Variants in FARP1 observed in about 807,000 individuals in gnomAD.
FARP1 encodes the protein FERM, ARH/RhoGEF and pleckstrin domain protein 1.
Under a neutral mutation model 128.8 loss-of-function variants are expected in FARP1, and 52 were observed. The observed-to-expected ratio is 0.40, with a 90% confidence interval of 0.32 to 0.51. The LOEUF is 0.51. Among genes scored for constraint, FARP1 ranks in the 20% least tolerant of loss-of-function variants. The pLI, the probability that FARP1 is intolerant of heterozygous loss-of-function variation, is 0.45. For missense variants in FARP1, 1,333 were observed against 1,367.9 expected (o/e 0.97, Z 0.40); for synonymous variants, 580 against 551.8 (o/e 1.05, Z -0.72).
intron 2 of FARP1, among the ~76,000 whole-genome samples, chr13:98,218,287 G>A (rs1881210210): frequency 6.6e-6 from 1 of 152,178 alleles, no homozygotes; most frequent in African/African-American, 2.4e-5. Flanking sequence ...TCTCCTGACA[G>A]TGCTGATAGC....
chr13:98,168,976 G>A (rs1482840620), intron 1 of FARP1, among the ~76,000 whole-genome samples: 1 of 152,064 alleles, frequency 6.6e-6, no homozygotes, highest in East Asian at 1.9e-4. Flanking sequence ...GTGTGGACTT[G>A]TTCACTGCTG....
intron 13 of FARP1, chr13:98,398,866 T>G (rs574878124): frequency 8.2e-6 from 1 of 122,036 alleles, no homozygotes; most frequent in African/African-American, 2.5e-5. Flanking sequence ...GATTGAGCAC[T>G]AGGTATGAAC....
At chr13:98,220,869 A>G (rs1163200705) in intron 2 of FARP1, among the ~76,000 whole-genome samples, 7 of 152,218 alleles carry the variant, frequency 4.6e-5, no homozygotes, top group African/African-American at 1.7e-4. Context: ...CCTGAAAAAA[A>G]AAACCAGTAT....
chr13:98,146,154 T>C lies in FARP1; in HGVS notation c.-24+2662T>C, dbSNP rs569481464. Among the ~76,000 whole-genome samples the C allele has an allele frequency of 2.6e-4, 39 of 152,262 alleles. No individual in the cohort carries two copies. The South Asian group carries it at 7.1e-3, about 28-fold the overall frequency. ...AAAAGGCTGGTTTCTGCAGGCAGAA[T>C]ATGCTTAGGAAAAATGGCATTGTGA... On this transcript the variant is annotated intron_variant, in intron 1 of 26. Coordinates refer to ENST00000319562, the MANE Select transcript of FARP1 (RefSeq NM_005766.4).
chr13:98,183,532 C>A (rs1187576134), intron 1 of FARP1, among the ~76,000 whole-genome samples: 1 of 152,186 alleles, frequency 6.6e-6, no homozygotes, highest in Admixed American at 6.5e-5. Context: ...CACGCTTGGA[C>A]GAATGCTCCC....
chr13:98,174,915 C>T (rs1877893620), intron 1 of FARP1, among the ~76,000 whole-genome samples: 2 of 152,124 alleles, frequency 1.3e-5, no homozygotes, highest in Non-Finnish European at 1.5e-5. Flanking sequence ...CTATCTCGCT[C>T]CTGGGTCTGT....
intron 18 of FARP1, chr13:98,433,469 C>G (rs1283379158): frequency 3.9e-5 from 6 of 152,290 alleles, no homozygotes; most frequent in African/African-American, 7.2e-5. Context: ...TGGCTCACAC[C>G]TGTAATCCCA....
intron 5 of FARP1, among the ~76,000 whole-genome samples, chr13:98,371,259 A>C (rs1177921745): frequency 3.5e-5 from 4 of 114,066 alleles, no homozygotes; most frequent in African/African-American, 1.4e-4. Flanking sequence ...TTTTGCCAAT[A>C]GTTTTGCACC....
chr13:98,226,995 C>T (rs9584776), intron 2 of FARP1, among the ~76,000 whole-genome samples: 1,979 of 152,016 alleles, frequency 0.013, 35 homozygotes, highest in African/African-American at 0.045. Flanking sequence ...GATTGGAGTG[C>T]AGTGGCACGA....
chr13:98,265,941 A>G (rs1884093581), intron 2 of FARP1, among the ~76,000 whole-genome samples: 1 of 152,156 alleles, frequency 6.6e-6, no homozygotes, highest in African/African-American at 2.4e-5. Flanking sequence ...GACTTGCCGC[A>G]AAAGTTCCTT....
In FARP1 at chr13:98,353,788, A is replaced by G. The variant is rs75578421; in HGVS notation, c.276+9922A>G. 7.2e-3 allele frequency among the ~76,000 whole-genome samples: 1,100 copies of G among 152,358 alleles called. 6 individuals are homozygous for G. The highest frequency in any genetic ancestry group is 0.012 in the Non-Finnish European group (842 of 68,038). ...AGCAAATGATAGTTTAAAGGGTTGT[A>G]TAGCATTTTATCTATAGTTAACACT... is the stretch of plus-strand genomic sequence containing the variant. On this transcript the variant is annotated intron_variant, in intron 3 of 26. Transcript: ENST00000319562.
intron 1 of FARP1, among the ~76,000 whole-genome samples, chr13:98,152,796 TGTTA>T (rs1026693466): frequency 3.3e-5 from 5 of 152,224 alleles, no homozygotes; most frequent in African/African-American, 1.2e-4. Context: ...ATCAAATCAC[TGTTA>T]GAGATGATCT....
chr13:98,453,497 G>A lies in FARP1; in HGVS notation c.*5180G>A, dbSNP rs1404667570. ...GGGAAATCATATCCCTTTTACTTAC[G>A]ATCAATTGTCAAAAAGTGAACATTG... On this transcript the variant is annotated 3_prime_UTR_variant, in exon 27 of 27. Coordinates refer to ENST00000319562, the MANE Select transcript of FARP1 (RefSeq NM_005766.4). The A allele has an allele frequency of 3.1e-5, 12 of 382,130 alleles. No homozygotes were observed. The highest frequency in any genetic ancestry group is 7.2e-4 in the Middle Eastern group (1 of 1,396). 23.7% of individuals were successfully genotyped at this position (382,130 alleles called of 1,614,324 possible).
chr13:98,337,464 C>T lies in FARP1; in HGVS notation c.172-6298C>T, dbSNP rs775196873. ...AGATCCTTCTCATATTAAACCATTA[C>T]TCACATATATGGGTTTTCAAATGAT... On this transcript the variant is annotated intron_variant, in intron 2 of 26. Coordinates refer to ENST00000319562, the MANE Select transcript of FARP1 (RefSeq NM_005766.4). 2.8e-4 allele frequency among the ~76,000 whole-genome samples: 43 copies of T among 151,904 alleles called. 1 individual carries two copies. The highest frequency in any genetic ancestry group is 6.8e-3 in the Middle Eastern group (2 of 294).
rs1357577575 is a variant in FARP1, at chr13:98,446,712, C to T, written c.2951C>T (p.Thr984Ile). The change falls in exon 26 of 27, where the codon ACC (threonine) becomes ATC (isoleucine). Residue 984 changes from threonine (T) to isoleucine (I), a missense_variant. Coordinates refer to ENST00000319562, the MANE Select transcript of FARP1 (RefSeq NM_005766.4). ...CTGCCTCTGCTCGGCTACTCGCTCA[C>T]CATCCCCTCTGAGTCCGAGAACATC... Reference protein sequence around the residue: ...ASLPLLGYSLTIPSESENIQK... With the variant: ...ASLPLLGYSLIIPSESENIQK... 6.2e-7 allele frequency: 1 copy of T among 1,614,212 alleles called. No individual in the cohort carries two copies. The highest frequency in any genetic ancestry group is 8.5e-7 in the Non-Finnish European group (1 of 1,180,040).
chr13:98,389,160 A>G (rs142548984), intron 9 of FARP1, among the ~76,000 whole-genome samples: 33 of 152,324 alleles, frequency 2.2e-4, no homozygotes, highest in African/African-American at 6.5e-4. Context: ...GTAGGTTTTC[A>G]TGGCCCGACC....
chr13:98,348,577 G>T (rs117847184), intron 3 of FARP1, among the ~76,000 whole-genome samples: 2,476 of 152,378 alleles, frequency 0.016, 38 homozygotes, highest in Non-Finnish European at 0.028. Context: ...TGAAGTTCAG[G>T]CCTGGTGAGA....
chr13:98,181,157 A>G lies in FARP1; in HGVS notation c.-23-32063A>G, dbSNP rs904073132. On this transcript the variant is annotated intron_variant, in intron 1 of 26. Coordinates refer to ENST00000319562, the MANE Select transcript of FARP1 (RefSeq NM_005766.4). ...TGAGTATGGCCGTTTCATTGCAGATAGCACTTCTCCCTGCTGGTTTAGGTC... is the reference window on the plus strand; with the variant it reads ...TGAGTATGGCCGTTTCATTGCAGATGGCACTTCTCCCTGCTGGTTTAGGTC... 5.9e-5 allele frequency among the ~76,000 whole-genome samples: 9 copies of G among 152,246 alleles called. 1 individual carries two copies. The highest frequency in any genetic ancestry group is 3.9e-4 in the East Asian group (2 of 5,178).
At chr13:98,326,628 C>T (rs556698093) in intron 2 of FARP1, among the ~76,000 whole-genome samples, 2 of 152,352 alleles carry the variant, frequency 1.3e-5, no homozygotes, top group African/African-American at 4.8e-5. Context: ...ATGTAATTTT[C>T]ACAGTGGTTT....
Sources: allele counts gnomAD v4.1 joint callset (sites outside exome capture counted in the v4.1 genomes callset), GRCh38; gene constraint gnomAD v4.1.1; transcripts MANE v1.5; gene names NCBI Gene and HGNC (gene_info 2026-07-23, HGNC 2026-07-21).